OTOGL: variants seen among roughly 807,000 people sequenced by gnomAD.
OTOGL encodes the protein otogelin-like protein.
Under a neutral mutation model 318.5 loss-of-function variants are expected in OTOGL, and 285 were observed. That is an observed-to-expected ratio of 0.89 (90% CI 0.81 to 0.99). The LOEUF (loss-of-function observed/expected upper bound fraction) is 0.99. OTOGL is among the 50% of genes least tolerant of loss of function. The probability of loss-of-function intolerance (pLI) is 0.00; values close to 1 mark genes in which losing one functional copy is unlikely to be tolerated. For missense variants in OTOGL, 2,899 were observed against 2,845.6 expected, an observed-to-expected ratio of 1.02 and a Z score of -0.43; for synonymous variants, 987 against 936.5, an observed-to-expected ratio of 1.05 and a Z score of -0.99.
intron 37 of OTOGL, among the ~76,000 whole-genome samples, chr12:80,329,415 C>T (rs1228817880): frequency 1.3e-5 from 2 of 152,204 alleles, no homozygotes; most frequent in East Asian, 3.9e-4. Flanking sequence ...TGCATTTGGT[C>T]CACCTCGTTC....
chr12:80,181,683 G>A (rs139562629), intron 1 of OTOGL, among the ~76,000 whole-genome samples: 10 of 151,642 alleles, frequency 6.6e-5, no homozygotes, highest in Admixed American at 1.3e-4. Context: ...AAGGCATTTC[G>A]TAGGGTCCTA....
intron 40 of OTOGL, 93 bp downstream of exon 40, chr12:80,336,648 C>G: frequency 2.1e-6 from 3 of 1,454,202 alleles, no homozygotes; most frequent in Non-Finnish European, 2.8e-6. Flanking sequence ...GGAGGGAGCT[C>G]AAGAACTCAC....
Position 80,249,540 on chromosome 12 carries a change from G to A in OTOGL, c.1053-2153G>A, listed in dbSNP as rs369724098. On this transcript the variant is annotated intron_variant, in intron 11 of 58. Coordinates refer to ENST00000547103, the MANE Select transcript of OTOGL (RefSeq NM_001378609.3). ...TGCCTGTTCTCAGATCTCCAGCTGCGTGCTGGGAGAACCACTGCTCTCTTC... is the reference window on the plus strand; with the variant it reads ...TGCCTGTTCTCAGATCTCCAGCTGCATGCTGGGAGAACCACTGCTCTCTTC... Among the ~76,000 whole-genome samples the A allele has an allele frequency of 1.2e-3, 180 of 151,904 alleles. 1 individual carries two copies. The highest frequency in any genetic ancestry group is 1.7e-3 in the South Asian group (8 of 4,810).
At chr12:80,218,795 CTTT>C (rs34204072) in intron 5 of OTOGL, among the ~76,000 whole-genome samples, 1 of 118,238 alleles carries the variant, frequency 8.5e-6, no homozygotes, top group Non-Finnish European at 1.7e-5. Context: ...CTTTTTCTTT[CTTT>C]TTTTTTTTTT....
chr12:80,111,462 A>G (rs1043387351), intron 1 of OTOGL, among the ~76,000 whole-genome samples: 32 of 152,214 alleles, frequency 2.1e-4, no homozygotes, highest in African/African-American at 7.0e-4. Context: ...AGTTTTCTGC[A>G]TATGGCTGGC....
intron 1 of OTOGL, among the ~76,000 whole-genome samples, chr12:80,178,062 T>C (rs1874652306): frequency 1.6e-5 from 1 of 64,296 alleles, no homozygotes; most frequent in Admixed American, 1.7e-4. Context: ...TCTTTCTTTC[T>C]TTTTTTTTTT....
In OTOGL at chr12:80,313,564, T is replaced by C; in HGVS notation, c.3539T>C (p.Ile1180Thr). The stretch of plus-strand genomic sequence containing the variant: ...GACTGTGAGTGTTTGTGCACTAGTA[T>C]AGCTGCATATGCATACAAGTGTTGT... The part of the protein sequence containing the change: ...GGDCECLCTS[I>T]AAYAYKCCQE... The change falls in exon 31 of 59, where the codon ATA becomes ACA. Residue 1180 changes from isoleucine (I) to threonine (T), a missense_variant. Ile to Thr is a moderately conservative substitution (Grantham distance 89, BLOSUM62 -1). Around this residue, in one of 3 missense-constraint regions of OTOGL, gnomAD observed 2,607 missense variants for 2,524.9 expected, o/e 1.03. Coordinates refer to ENST00000547103, the MANE Select transcript of OTOGL (RefSeq NM_001378609.3). 6.2e-7 allele frequency: 1 copy of C among 1,612,506 alleles called. No homozygotes were observed. Among genetic ancestry groups the C allele is most frequent in the African/African-American group, 1.3e-5 (1 of 75,002 alleles).
At chr12:80,139,660 T>A (rs1418470632) in intron 1 of OTOGL, among the ~76,000 whole-genome samples, 1 of 152,164 alleles carries the variant, frequency 6.6e-6, no homozygotes, top group Non-Finnish European at 1.5e-5. Context: ...GATTATAAAA[T>A]TAAAATATAT....
intron 1 of OTOGL, chr12:80,189,558 G>T (rs939456194): frequency 1.9e-5 from 15 of 776,374 alleles, no homozygotes; most frequent in Non-Finnish European, 2.2e-5. Context: ...CTTCTGAAAT[G>T]ACAATATAGT....
chr12:80,262,120 C>T (rs1335924461), intron 19 of OTOGL, 27 bp downstream of exon 19: 4 of 1,589,538 alleles, frequency 2.5e-6, no homozygotes, highest in Non-Finnish European at 3.4e-6. Flanking sequence ...AACTTCCTTT[C>T]TGCTGTAAAC....
At chr12:80,238,518 CTCCTT>C (rs1414652997) in intron 9 of OTOGL, among the ~76,000 whole-genome samples, 1 of 152,026 alleles carries the variant, frequency 6.6e-6, no homozygotes, top group African/African-American at 2.4e-5. Context: ...CATATTTTTT[CTCCTT>C]TCAACAGCAC....
At chr12:80,144,884 C>A (rs1872232695) in intron 1 of OTOGL, among the ~76,000 whole-genome samples, 2 of 151,872 alleles carry the variant, frequency 1.3e-5, no homozygotes. Context: ...ATGTCCTTCA[C>A]CCACTTTTTG....
rs1023355416 is a variant in OTOGL, at chr12:80,246,071, A to G, written c.1053-5622A>G. Among the ~76,000 whole-genome samples the G allele has an allele frequency of 1.7e-3, 256 of 151,602 alleles. 4 individuals are homozygous for G. The highest frequency in any genetic ancestry group is 8.7e-3 in the East Asian group (45 of 5,156). Reference sequence around the variant, plus strand: ...CTTAAGGAGATTTTGGGCTGAGACAATGGGGTTTTCTAGATACACAATCAT... The same window carrying G: ...CTTAAGGAGATTTTGGGCTGAGACAGTGGGGTTTTCTAGATACACAATCAT... On this transcript the variant is annotated intron_variant, in intron 11 of 58. Transcript: ENST00000547103.
intron 1 of OTOGL, among the ~76,000 whole-genome samples, chr12:80,107,305 C>T (rs1268054143): frequency 6.6e-6 from 1 of 152,012 alleles, no homozygotes; most frequent in Non-Finnish European, 1.5e-5. Context: ...ATACATGTGG[C>T]TAACAAGCAT....
rs183208016 is a variant in OTOGL, at chr12:80,222,285, C to A, written c.489+40C>A. On this transcript the variant is annotated intron_variant, in intron 7 of 58. Coordinates refer to ENST00000547103, the MANE Select transcript of OTOGL (RefSeq NM_001378609.3). ...GACATGATTAACTTAAAAATATTAT[C>A]TCTGGAAAAGTATGTATTTTTAAAG... The A allele has an allele frequency of 8.7e-5, 129 of 1,491,156 alleles. No individual in the cohort carries two copies. In the Admixed American group the frequency reaches 2.6e-3, roughly 31 times the overall value. 92.4% of individuals were successfully genotyped at this position (1,491,156 alleles called of 1,614,324 possible).
At chr12:80,330,508 T>C (rs1258185677) in intron 37 of OTOGL, among the ~76,000 whole-genome samples, 2 of 152,214 alleles carry the variant, frequency 1.3e-5, no homozygotes, top group Non-Finnish European at 2.9e-5. Flanking sequence ...TTGCATGTTT[T>C]AACATCTGGG....
intron 1 of OTOGL, among the ~76,000 whole-genome samples, chr12:80,167,542 GTAATA>G (rs534689239): frequency 5.6e-4 from 85 of 152,126 alleles, no homozygotes; most frequent in African/African-American, 1.6e-3. Flanking sequence ...ATTAATTTGG[GTAATA>G]TAATCTTATA....
At chr12:80,145,058 T>G (rs1458401046) in intron 1 of OTOGL, among the ~76,000 whole-genome samples, 1 of 151,720 alleles carries the variant, frequency 6.6e-6, no homozygotes, top group Non-Finnish European at 1.5e-5. Context: ...CTCTTTAGTT[T>G]AATTAGATCC....
At chr12:80,376,705 A>C (rs1891193432) in intron 57 of OTOGL, among the ~76,000 whole-genome samples, 1 of 152,114 alleles carries the variant, frequency 6.6e-6, no homozygotes, top group African/African-American at 2.4e-5. Context: ...TTTTTATTTT[A>C]AAATTGATGT....
Sources: allele counts gnomAD v4.1 joint callset (sites outside exome capture counted in the v4.1 genomes callset), GRCh38; gene constraint gnomAD v4.1.1; regional missense constraint gnomAD v4.1.1; transcripts MANE v1.5; gene names NCBI Gene and HGNC (gene_info 2026-07-23, HGNC 2026-07-21).